The following CYTH1 variants were observed in gnomAD, a reference collection of about 807,000 sequenced individuals.
CYTH1 encodes cytohesin 1, also known as cytohesin-1.
In CYTH1, 18 loss-of-function variants were observed where a neutral mutation model predicts 61.8. The observed-to-expected ratio is 0.29, with a 90% CI of 0.20 to 0.43. The LOEUF (loss-of-function observed/expected upper bound fraction) is 0.43. Among genes scored for constraint, CYTH1 ranks in the 20% least tolerant of loss-of-function variants. CYTH1 has a pLI of 1.00. For missense variants in CYTH1, 336 were observed against 510.5 expected (o/e 0.66, Z 3.29); for synonymous variants, 174 against 184.3 (o/e 0.94, Z 0.45).
At chr17:78,677,834 GGAGT>G (rs1815114624) in intron 13 of CYTH1, 1 of 152,326 alleles carries the variant, frequency 6.6e-6, no homozygotes, top group South Asian at 2.1e-4. Context: ...TCCACTGGGA[GGAGT>G]ATCTAGGGCC....
chr17:78,731,965 G>A (rs1355167283), intron 1 of CYTH1, among the ~76,000 whole-genome samples: 1 of 152,132 alleles, frequency 6.6e-6, no homozygotes, highest in African/African-American at 2.4e-5. Flanking sequence ...GCAGTAAACT[G>A]CATGCAGGTT....
At chr17:78,738,621 A>G (rs1050348508) in intron 1 of CYTH1, among the ~76,000 whole-genome samples, 8 of 147,976 alleles carry the variant, frequency 5.4e-5, no homozygotes, top group African/African-American at 2.1e-4. Context: ...ACATATGCAT[A>G]TATTTAAAAA....
In CYTH1 at chr17:78,698,187, A is replaced by ACACG. The variant is rs1567838812; in HGVS notation, c.811+81_811+82insCGTG. On this transcript the variant is annotated intron_variant, in intron 9 of 13. Transcript: ENST00000446868. The stretch of plus-strand genomic sequence containing the variant: ...CGCACAAACACGCACACGCGCACAC[A>ACACG]CGCACGCACGCACACACGCACACAC... 21 of 1,116,698 alleles carry ACACG rather than the reference A, an allele frequency of 1.9e-5. No individual in the cohort carries two copies. The African/African-American group carries it at 3.1e-4, about 17-fold the overall frequency. 69.2% of individuals were successfully genotyped at this position (1,116,698 alleles called of 1,614,324 possible).
At chr17:78,734,375 A>G (rs906664847) in intron 1 of CYTH1, among the ~76,000 whole-genome samples, 1 of 144,754 alleles carries the variant, frequency 6.9e-6, no homozygotes, top group Admixed American at 7.0e-5. Context: ...ACACATATAC[A>G]GAATGAAAAC....
intron 1 of CYTH1, chr17:78,727,819 G>C (rs887135908): frequency 4.6e-6 from 2 of 438,384 alleles, no homozygotes; most frequent in Non-Finnish European, 9.6e-6. Flanking sequence ...TGCCCATGCA[G>C]GGGGCAGAAC....
intron 3 of CYTH1, among the ~76,000 whole-genome samples, chr17:78,703,751 G>A (rs1391284351): frequency 1.3e-5 from 2 of 152,150 alleles, no homozygotes; most frequent in South Asian, 2.1e-4. Context: ...GTGCTGGAGC[G>A]TGGGCCAGTA....
In CYTH1 at chr17:78,700,214, T is replaced by G; in HGVS notation, c.550+117A>C. 3.6e-6 allele frequency: 3 copies of G among 833,200 alleles called. No homozygotes were observed. The highest frequency in any genetic ancestry group is 5.5e-6 in the Non-Finnish European group (3 of 549,856). The allele number at this position is 833,200 out of a possible 1,614,324, so 51.6% of individuals were successfully genotyped here. A position where few individuals can be genotyped will look rare whatever the true frequency, so the allele number is the denominator to read the frequency against. ...AACATTTTACTATTATAACTATCATTGAGTAAACGTTCCTAGGCATGAATC... is the reference window on the plus strand; with the variant it reads ...AACATTTTACTATTATAACTATCATGGAGTAAACGTTCCTAGGCATGAATC... On this transcript the variant is annotated intron_variant, in intron 7 of 13. Transcript: ENST00000446868. This position sits in a 1 kb window ranked among gnomAD's most constrained non-coding sequence, Gnocchi z 5.1.
chr17:78,696,179 G>A (rs985280717), intron 9 of CYTH1, among the ~76,000 whole-genome samples, 170 bp from the exon 10 acceptor site: 6 of 152,172 alleles, frequency 3.9e-5, no homozygotes, highest in Admixed American at 1.3e-4. Context: ...AACACTCAAC[G>A]GGCAAATGAT....
chr17:78,681,786 C>T (rs2144030778), intron 11 of CYTH1, among the ~76,000 whole-genome samples: 1 of 150,862 alleles, frequency 6.6e-6, no homozygotes, highest in African/African-American at 2.5e-5. Context: ...TGCAGTGGGC[C>T]CAGATAGCGC....
intron 11 of CYTH1, chr17:78,692,095 G>T: frequency 2.7e-5 from 7 of 255,750 alleles, no homozygotes; most frequent in East Asian, 9.9e-5. Flanking sequence ...ACTCTTTCTC[G>T]GCAACCAATG....
At chr17:78,721,691 C>T (rs2093230163) in intron 1 of CYTH1, among the ~76,000 whole-genome samples, 1 of 152,194 alleles carries the variant, frequency 6.6e-6, no homozygotes, top group South Asian at 2.1e-4. Context: ...CTCTTCCAGC[C>T]TCAGTTTCCT....
chr17:78,687,872 G>A (rs1030999599), intron 11 of CYTH1, among the ~76,000 whole-genome samples: 3 of 152,190 alleles, frequency 2.0e-5, no homozygotes, highest in African/African-American at 7.2e-5. Flanking sequence ...TTTTCTAGAA[G>A]AAATCTCTGA....
At chr17:78,702,725 C>A in intron 3 of CYTH1, 121 bp from the exon 4 acceptor site, 4 of 1,072,094 alleles carry the variant, frequency 3.7e-6, no homozygotes, top group Non-Finnish European at 5.5e-6. Flanking sequence ...AAGCAACAGG[C>A]ATAATCTGGT....
At chr17:78,727,485 T>C (rs2093272689) in intron 1 of CYTH1, among the ~76,000 whole-genome samples, 1 of 152,228 alleles carries the variant, frequency 6.6e-6, no homozygotes. Context: ...CATTTCTACC[T>C]GCACCTCAAA....
intron 10 of CYTH1, among the ~76,000 whole-genome samples, chr17:78,694,769 A>G (rs2092922218): frequency 6.6e-6 from 1 of 152,232 alleles, no homozygotes; most frequent in Non-Finnish European, 1.5e-5. Context: ...AAGGAGAAAA[A>G]GCAAAGCCAG....
chr17:78,733,528 AGCCTGTGC>A (rs1489864982), intron 1 of CYTH1, among the ~76,000 whole-genome samples: 1 of 152,170 alleles, frequency 6.6e-6, no homozygotes, highest in Non-Finnish European at 1.5e-5. Flanking sequence ...CCATAGGCGC[AGCCTGTGC>A]TTGGAGCTGG....
chr17:78,713,609 T>C (rs1325770218), intron 1 of CYTH1, among the ~76,000 whole-genome samples: 1 of 151,004 alleles, frequency 6.6e-6, no homozygotes, highest in African/African-American at 2.4e-5. Context: ...CTGGAAACTC[T>C]AAATCGTTGC....
chr17:78,676,536 G>A (rs1019587463), intron 13 of CYTH1: 8 of 282,560 alleles, frequency 2.8e-5, no homozygotes, highest in African/African-American at 6.7e-5. Context: ...TTGCAGCAGC[G>A]AGTGCCACGT....
chr17:78,721,468 T>A (rs1598881074), intron 1 of CYTH1, among the ~76,000 whole-genome samples: 1 of 152,372 alleles, frequency 6.6e-6, no homozygotes, highest in South Asian at 2.1e-4. Flanking sequence ...ATTTAGACTA[T>A]TCTAATTTAA....
Sources: allele counts gnomAD v4.1 joint callset (sites outside exome capture counted in the v4.1 genomes callset), GRCh38; gene constraint gnomAD v4.1.1; non-coding constraint Gnocchi (gnomAD v3.1); transcripts MANE v1.5; gene names NCBI Gene and HGNC (gene_info 2026-07-23, HGNC 2026-07-21).